Variants in ZNF98 observed in about 807,000 individuals in gnomAD.
The protein encoded by ZNF98 is zinc finger protein 739.
A neutral mutation model predicts 12.8 loss-of-function variants in ZNF98; 8 were observed. That is an observed-to-expected ratio of 0.63 (90% CI 0.37 to 1.13). The LOEUF (loss-of-function observed/expected upper bound fraction) is 1.13, where lower values mean the gene tolerates loss of function less well. Ranked by LOEUF, ZNF98 falls within the 50% of genes most tolerant of loss-of-function variation. The probability of loss-of-function intolerance (pLI) is 0.01; values close to 1 mark genes in which losing one functional copy is unlikely to be tolerated. For synonymous variants in ZNF98, 112 were observed against 223.5 expected, an observed-to-expected ratio of 0.50 and a Z score of 4.45; for missense variants, 379 against 666.1, an observed-to-expected ratio of 0.57 and a Z score of 4.74.
intron 3 of ZNF98, among the ~76,000 whole-genome samples, chr19:22,393,260 C>T (rs1396637872): frequency 6.6e-6 from 1 of 152,222 alleles, no homozygotes; most frequent in Non-Finnish European, 1.5e-5. Flanking sequence ...GCAGATCTTC[C>T]TGCTTCCCTA....
In ZNF98 at chr19:22,392,958, C is replaced by T; in HGVS notation, c.277G>A (p.Asp93Asn). The T allele has an allele frequency of 6.5e-7, 1 of 1,540,064 alleles. No individual in the cohort carries two copies. The highest frequency in any genetic ancestry group is 8.7e-7 in the Non-Finnish European group (1 of 1,149,400). The change falls in exon 4 of 4, where the codon GAC becomes AAC. Residue 93 changes from aspartate (D) to asparagine (N), a missense_variant. By Grantham distance (23) the Asp-to-Asn change is conservative (BLOSUM62 1). Coordinates refer to ENST00000357774, the MANE Select transcript of ZNF98 (RefSeq NM_001098626.2). ...PPVVYSYFAQ[D>N]LWPKQGKKNY... ...TTTTTGCCCTGCTTTGGCCAAAGGT[C>T]TTGGGCAAAATAAGAATATACAACT...
intron 1 of ZNF98, among the ~76,000 whole-genome samples, chr19:22,408,015 G>A (rs1969541225): frequency 6.6e-6 from 1 of 152,104 alleles, no homozygotes; most frequent in African/African-American, 2.4e-5. Context: ...AGGTTGCAGT[G>A]AGCCGAGATC....
chr19:22,391,408 A>C lies in ZNF98; in HGVS notation c.*108T>G. The C allele has an allele frequency of 6.7e-7, 1 of 1,486,170 alleles. No individual in the cohort carries two copies. Among genetic ancestry groups the C allele is most frequent in the Non-Finnish European group, 8.9e-7 (1 of 1,119,804 alleles). 92.1% of individuals were successfully genotyped at this position (1,486,170 alleles called of 1,614,324 possible). A position where few individuals can be genotyped will look rare whatever the true frequency, so the allele number is the denominator to read the frequency against. On this transcript the variant is annotated 3_prime_UTR_variant, in exon 4 of 4. Transcript: ENST00000357774. ...TGCAATAAGGTTTGAGCATTGTGTAAGTTTTGCCACACTGTTCACACTTGT... is the reference window on the plus strand; with the variant it reads ...TGCAATAAGGTTTGAGCATTGTGTACGTTTTGCCACACTGTTCACACTTGT...
intron 3 of ZNF98, among the ~76,000 whole-genome samples, chr19:22,396,121 T>A (rs2145108716): frequency 6.6e-6 from 1 of 152,228 alleles, no homozygotes; most frequent in East Asian, 1.9e-4. Context: ...AAACAGAATC[T>A]TGTGGCATTA....
chr19:22,410,325 C>T (rs576126044), intron 1 of ZNF98, among the ~76,000 whole-genome samples: 259 of 152,276 alleles, frequency 1.7e-3, no homozygotes, highest in African/African-American at 6.1e-3. Context: ...GCACTAATTA[C>T]AATGGCAAAG....
At chr19:22,409,324 A>T (rs1206999486) in intron 1 of ZNF98, among the ~76,000 whole-genome samples, 1 of 152,176 alleles carries the variant, frequency 6.6e-6, no homozygotes, top group Non-Finnish European at 1.5e-5. Context: ...TAAAGCCCAA[A>T]ACCAGAAAAA....
chr19:22,410,200 C>T (rs1163428840), intron 1 of ZNF98, among the ~76,000 whole-genome samples: 3 of 152,250 alleles, frequency 2.0e-5, no homozygotes, highest in East Asian at 3.9e-4. Context: ...GGTGATTCCT[C>T]AAGGATCTAG....
chr19:22,391,679 T>C lies in ZNF98; in HGVS notation c.1556A>G (p.Lys519Arg), dbSNP rs1434940335. The C allele has an allele frequency of 6.2e-7, 1 of 1,614,024 alleles. No homozygotes were observed. Among genetic ancestry groups the C allele is most frequent in the African/African-American group, 1.3e-5 (1 of 75,062 alleles). ...KMIHTGEKPY[K>R]CEECGKAFNN... Reference sequence around the variant, plus strand: ...AAAGGCTTTGCCGCATTCTTCACACTTGTAGGGTTTCTCTCCAGTATGAAT... The same window carrying C: ...AAAGGCTTTGCCGCATTCTTCACACCTGTAGGGTTTCTCTCCAGTATGAAT... The change falls in exon 4 of 4, where the codon AAG becomes AGG. Residue 519 changes from lysine (K) to arginine (R), a missense_variant. Coordinates refer to ENST00000357774, the MANE Select transcript of ZNF98 (RefSeq NM_001098626.2).
intron 1 of ZNF98, among the ~76,000 whole-genome samples, chr19:22,406,771 C>T (rs1334227613): frequency 2.0e-5 from 3 of 151,160 alleles, no homozygotes; most frequent in Non-Finnish European, 4.4e-5. Context: ...GAGCTGAGAT[C>T]GCGCCACTGC....
intron 1 of ZNF98, 78 bp downstream of exon 1, chr19:22,422,117 A>AGTCCCGCCACAGCCTC: frequency 1.3e-6 from 2 of 1,575,096 alleles, no homozygotes; most frequent in Non-Finnish European, 1.7e-6. Flanking sequence ...GGGAGGCCTG[A>AGTCCCGCCACAGCCTC]GTCCCGCCAC....
At chr19:22,408,265 T>C (rs1280567416) in intron 1 of ZNF98, among the ~76,000 whole-genome samples, 1 of 152,194 alleles carries the variant, frequency 6.6e-6, no homozygotes, top group East Asian at 1.9e-4. Flanking sequence ...TTAAGAACTC[T>C]CAATAAACCA....
intron 3 of ZNF98, among the ~76,000 whole-genome samples, chr19:22,398,820 T>C (rs1368657735): frequency 6.6e-6 from 1 of 152,130 alleles, no homozygotes; most frequent in Non-Finnish European, 1.5e-5. Context: ...TGTTTATTAT[T>C]AAACACAAGG....
chr19:22,395,088 C>T (rs1969374691), intron 3 of ZNF98, among the ~76,000 whole-genome samples: 1 of 148,884 alleles, frequency 6.7e-6, no homozygotes, highest in Admixed American at 6.8e-5. Flanking sequence ...CAGATAATCA[C>T]TTGAACCGGA....
chr19:22,409,301 A>G (rs1969555344), intron 1 of ZNF98, among the ~76,000 whole-genome samples: 1 of 152,222 alleles, frequency 6.6e-6, no homozygotes, highest in South Asian at 2.1e-4. Flanking sequence ...AAGATGGATT[A>G]AAGACATAAA....
chr19:22,413,603 GCTCACACCTGTAATC>G (rs1969604108), intron 1 of ZNF98, among the ~76,000 whole-genome samples: 1 of 152,206 alleles, frequency 6.6e-6, no homozygotes, highest in South Asian at 2.1e-4. Flanking sequence ...AGGTGCGGTG[GCTCACACCTGTAATC>G]CCAGCACTTT....
At chr19:22,416,108 C>T (rs150671994) in intron 1 of ZNF98, among the ~76,000 whole-genome samples, 2,146 of 150,898 alleles carry the variant, frequency 0.014, 57 homozygotes, top group African/African-American at 0.05. Context: ...CGTGTCACTG[C>T]ACTCCAGCCT....
At chr19:22,415,956 G>GACACACAC (rs71180550) in intron 1 of ZNF98, among the ~76,000 whole-genome samples, 5,511 of 111,256 alleles carry the variant, frequency 0.05, 262 homozygotes, top group South Asian at 0.093. Context: ...AAAAACTACA[G>GACACACAC]ACACACACAC....
chr19:22,410,301 G>A (rs569724000), intron 1 of ZNF98, among the ~76,000 whole-genome samples: 70 of 152,240 alleles, frequency 4.6e-4, no homozygotes, highest in Non-Finnish European at 8.7e-4. Context: ...ACATGCACAC[G>A]TATGTTTACT....
intron 1 of ZNF98, among the ~76,000 whole-genome samples, chr19:22,413,558 G>A (rs2145120650): frequency 6.6e-6 from 1 of 152,174 alleles, no homozygotes; most frequent in East Asian, 1.9e-4. Context: ...TGACAACACT[G>A]TGAAAACACT....
Sources: allele counts gnomAD v4.1 joint callset (sites outside exome capture counted in the v4.1 genomes callset), GRCh38; gene constraint gnomAD v4.1.1; transcripts MANE v1.5; gene names NCBI Gene and HGNC (gene_info 2026-07-23, HGNC 2026-07-21).